The following SLC14A2 variants were observed in gnomAD, a reference collection of about 807,000 sequenced individuals.
SLC14A2 encodes the protein urea transporter 2.
A neutral mutation model predicts 104.6 loss-of-function variants in SLC14A2; 91 were observed. The observed-to-expected ratio is 0.87, with a 90% CI of 0.73 to 1.04. The LOEUF is 1.04. Among genes scored for constraint, SLC14A2 ranks in the 50% least tolerant of loss-of-function variants. SLC14A2 has a pLI of 0.00. For synonymous variants in SLC14A2, 476 were observed against 466.4 expected, an observed-to-expected ratio of 1.02 and a Z score of -0.27; for missense variants, 1,189 against 1,156.0, an observed-to-expected ratio of 1.03 and a Z score of -0.41.
At position 45,240,651 on chromosome 18, in the gene SLC14A2, T is replaced by G. The variant is rs558867994; in HGVS notation, c.-125+27460T>G. Among the ~76,000 whole-genome samples the G allele has an allele frequency of 2.0e-4, 28 of 142,586 alleles. No homozygotes were observed. The East Asian group carries it at 4.7e-3, about 24-fold the overall frequency. The allele number at this position is 142,586 out of a possible 152,430, so 93.5% of individuals were successfully genotyped here. On this transcript the variant is annotated intron_variant, in intron 1 of 20. Transcript: ENST00000586448. ...AAGTGTTTTTTTTTTGTTTTTTTTG[T>G]TTTTGTTTTTGGTTTTGCCTTTTTG...
chr18:45,484,837 G>A (rs970411744), intron 2 of SLC14A2, among the ~76,000 whole-genome samples: 2 of 151,974 alleles, frequency 1.3e-5, no homozygotes, highest in African/African-American at 4.8e-5. Context: ...ATACCTCTTA[G>A]GGTTGTAAAG....
intron 2 of SLC14A2, among the ~76,000 whole-genome samples, chr18:45,604,931 C>A (rs1156768864): frequency 6.6e-6 from 1 of 152,146 alleles, no homozygotes; most frequent in African/African-American, 2.4e-5. Context: ...ATAGCCCTAC[C>A]ATTTTTGTAT....
At chr18:45,355,594 A>AAAAAC (rs2085545595) in intron 1 of SLC14A2, among the ~76,000 whole-genome samples, 1 of 151,448 alleles carries the variant, frequency 6.6e-6, no homozygotes, top group African/African-American at 2.4e-5. Flanking sequence ...AAAAAAAAAA[A>AAAAAC]AAAAAACCCT....
At chr18:45,298,579 G>C (rs903352237) in intron 1 of SLC14A2, among the ~76,000 whole-genome samples, 1 of 152,138 alleles carries the variant, frequency 6.6e-6, no homozygotes, top group African/African-American at 2.4e-5. Context: ...CCTGCCTCCT[G>C]TTTAGATTAG....
rs1352331617 is a variant in SLC14A2, at chr18:45,670,283, T to C, written c.2229+785T>C. On this transcript the variant is annotated intron_variant, in intron 16 of 19. Coordinates refer to ENST00000255226, the MANE Select transcript of SLC14A2 (RefSeq NM_007163.4). ...CTTTTAAAGTTTTTTTTAATAAGTA[T>C]TCTGTATATAATCCTGACCTCTGGA... is the stretch of plus-strand genomic sequence containing the variant. Among the ~76,000 whole-genome samples the C allele has an allele frequency of 3.9e-5, 6 of 152,342 alleles. No homozygotes were observed. In the East Asian group the frequency reaches 9.6e-4, roughly 24 times the overall value.
At position 45,383,792 on chromosome 18, in the gene SLC14A2, A is replaced by G. The variant is rs554449265; in HGVS notation, c.-124-99441A>G. Among the ~76,000 whole-genome samples the G allele has an allele frequency of 5.3e-5, 8 of 152,248 alleles. No homozygotes were observed. The South Asian group carries it at 1.7e-3, about 32-fold the overall frequency. The stretch of plus-strand genomic sequence containing the variant: ...GTGCTAGGAGAGCAATCTGAAAAAT[A>G]ACCTTGCATGGCTGCCCTGGGCTCT... On this transcript the variant is annotated intron_variant, in intron 1 of 20. Coordinates refer to the SLC14A2 transcript ENST00000586448.
chr18:45,252,280 G>C (rs1351137061), intron 1 of SLC14A2, among the ~76,000 whole-genome samples: 3 of 152,182 alleles, frequency 2.0e-5, no homozygotes, highest in South Asian at 2.1e-4. Context: ...TGAGAAAGTA[G>C]AAAGATGAGG....
At chr18:45,213,701 A>G (rs2083982221) in intron 1 of SLC14A2, among the ~76,000 whole-genome samples, 1 of 151,230 alleles carries the variant, frequency 6.6e-6, no homozygotes, top group African/African-American at 2.4e-5. Flanking sequence ...AGTCCACATA[A>G]CTAGTACATG....
Position 45,452,157 on chromosome 18 carries a change from T to A in SLC14A2, c.-124-31076T>A, listed in dbSNP as rs151248950. ...TCTCAAGTTCTGATTTGATCCTGGA[T>A]GAGAGGCAAGACACTGTAGAAGTTT... On this transcript the variant is annotated intron_variant, in intron 1 of 20. Coordinates refer to the SLC14A2 transcript ENST00000586448. 1.0e-2 allele frequency among the ~76,000 whole-genome samples: 1,519 copies of A among 152,314 alleles called. 15 individuals are homozygous for A. Among genetic ancestry groups the A allele is most frequent in the African/African-American group, 0.024 (1,003 of 41,556 alleles).
intron 1 of SLC14A2, among the ~76,000 whole-genome samples, chr18:45,242,260 G>T (rs1189822227): frequency 6.6e-6 from 1 of 151,980 alleles, no homozygotes; most frequent in African/African-American, 2.4e-5. Context: ...TCTCTTTATG[G>T]CTTACTTTCA....
intron 1 of SLC14A2, among the ~76,000 whole-genome samples, chr18:45,462,101 C>A (rs2087056236): frequency 6.6e-6 from 1 of 152,230 alleles, no homozygotes. Flanking sequence ...AAACCCCAAA[C>A]AAAACCAATC....
At chr18:45,516,531 T>C (rs2043444340) in intron 2 of SLC14A2, among the ~76,000 whole-genome samples, 1 of 152,198 alleles carries the variant, frequency 6.6e-6, no homozygotes, top group African/African-American at 2.4e-5. Context: ...TGAATCTCTG[T>C]ACACTCCTCA....
intron 1 of SLC14A2, among the ~76,000 whole-genome samples, chr18:45,461,550 A>G (rs943468422): frequency 2.6e-5 from 4 of 152,192 alleles, no homozygotes; most frequent in African/African-American, 7.2e-5. Context: ...TCCCATAGAT[A>G]TTTGAGATCA....
In SLC14A2 at chr18:45,232,902, A is replaced by G. The variant is rs186681314; in HGVS notation, c.-125+19711A>G. On this transcript the variant is annotated intron_variant, in intron 1 of 20. Coordinates refer to the SLC14A2 transcript ENST00000586448. Reference sequence around the variant, plus strand: ...AGTTCCAACCTGTGTGTAACTGGCTACCGGTGCTGTGTTGGTTCAGGTGGG... The same window carrying G: ...AGTTCCAACCTGTGTGTAACTGGCTGCCGGTGCTGTGTTGGTTCAGGTGGG... 5.4e-4 allele frequency among the ~76,000 whole-genome samples: 82 copies of G among 152,288 alleles called. No homozygotes were observed. In the East Asian group the frequency reaches 0.012, roughly 23 times the overall value.
intron 1 of SLC14A2, among the ~76,000 whole-genome samples, chr18:45,232,048 A>AG (rs56307789): frequency 6.6e-6 from 1 of 151,086 alleles, no homozygotes; most frequent in Non-Finnish European, 1.5e-5. Flanking sequence ...AAAAAAAAAA[A>AG]CAAAATGATG....
At chr18:45,668,319 T>G in intron 14 of SLC14A2, 30 bp from the exon 15 acceptor site, 1 of 1,612,760 alleles carries the variant, frequency 6.2e-7, no homozygotes, top group South Asian at 1.1e-5. Flanking sequence ...GGGAAGCCCC[T>G]GCTCCACCTG....
At chr18:45,588,400 C>G (rs2044598494) in intron 2 of SLC14A2, among the ~76,000 whole-genome samples, 1 of 152,164 alleles carries the variant, frequency 6.6e-6, no homozygotes, top group South Asian at 2.1e-4. Flanking sequence ...GATTCTGTCT[C>G]ATAAAAAGAG....
At chr18:45,442,292 T>A (rs1197647803) in intron 1 of SLC14A2, among the ~76,000 whole-genome samples, 1 of 152,214 alleles carries the variant, frequency 6.6e-6, no homozygotes, top group East Asian at 1.9e-4. Flanking sequence ...ACTGGATGGC[T>A]TAAATAACAG....
At chr18:45,376,057 C>T (rs1405760742) in intron 1 of SLC14A2, among the ~76,000 whole-genome samples, 2 of 96 alleles carry the variant, frequency 0.021, no homozygotes, top group Non-Finnish European at 0.042. Context: ...GAGGTTGGGC[C>T]ACACCCCCGA....
Sources: gnomAD v4.1 joint callset for allele counts (sites outside exome capture counted in the v4.1 genomes callset) on GRCh38, gnomAD v4.1.1 for gene constraint, MANE v1.5 for transcripts, NCBI Gene and HGNC (gene_info 2026-07-23, HGNC 2026-07-21) for gene names.